The following KPNB1 variants were observed in gnomAD, a reference collection of about 807,000 sequenced individuals.
The protein encoded by KPNB1 is karyopherin subunit beta 1.
KPNB1 carries 7 observed loss-of-function variants against 113.0 expected under a neutral mutation model. That is an observed-to-expected ratio of 0.06 (90% CI 0.04 to 0.12). The LOEUF (loss-of-function observed/expected upper bound fraction) is 0.12. KPNB1 is among the 10% of genes least tolerant of loss of function. The probability of loss-of-function intolerance (pLI) is 1.00; values close to 1 mark genes in which losing one functional copy is unlikely to be tolerated. For synonymous variants in KPNB1, 363 were observed against 378.6 expected (o/e 0.96, Z 0.48); for missense variants, 400 against 1,054.8 (o/e 0.38, Z 8.60).
chr17:47,675,385 G>GT lies in KPNB1; in HGVS notation c.1912+606dup, dbSNP rs1462077639. 4.1e-4 allele frequency among the ~76,000 whole-genome samples: 34 copies of GT among 82,106 alleles called. 1 individual carries two copies. Among genetic ancestry groups the GT allele is most frequent in the Non-Finnish European group, 6.4e-4 (28 of 43,986 alleles). 53.9% of individuals were successfully genotyped at this position (82,106 alleles called of 152,430 possible). A position where few individuals can be genotyped will look rare whatever the true frequency, so the allele number is the denominator to read the frequency against. On this transcript the variant is annotated intron_variant, in intron 15 of 21. Transcript: ENST00000290158. ...TGTTTTTTTTTTGTTTTTTTTTTTT[G>GT]TTTGTTTTTTTTTTGAGACTTGTTC...
intron 19 of KPNB1, among the ~76,000 whole-genome samples, chr17:47,679,685 TTC>T (rs1454128398): frequency 9.2e-5 from 14 of 152,168 alleles, no homozygotes; most frequent in East Asian, 7.7e-4. Context: ...GCATCAGACC[TTC>T]TCTCTCTTTT....
Position 47,678,376 on chromosome 17 carries a change from C to T in KPNB1, c.2316C>T (p.Ile772=). ...RESCLEAYTG[I]VQGLKGDQEN... is the part of the protein sequence containing the mutation. ...GCTGCTTGGAAGCCTATACTGGAAT[C>T]GTCCAGGGATTAAAGGGGGATCAGG... Residue 772 remains isoleucine (I), a synonymous_variant, in exon 19 of 22, where the codon ATC becomes ATT. Transcript: ENST00000290158. The T allele has an allele frequency of 2.5e-6, 4 of 1,614,018 alleles. No homozygotes were observed. Among genetic ancestry groups the T allele is most frequent in the South Asian group, 1.1e-5 (1 of 91,074 alleles).
At position 47,673,040 on chromosome 17, in the gene KPNB1, C is replaced by G; in HGVS notation, c.1570C>G (p.Leu524Val). Residue 524 changes from leucine to valine, a missense_variant, in exon 13 of 22, where the codon CTG becomes GTG. Around this residue, in one of 2 missense-constraint regions of KPNB1, gnomAD observed 115 missense variants for 427.9 expected, o/e 0.27. Transcript: ENST00000290158. ...CAGACCTGATGGACACCAGAACAAC[C>G]TGAGGAGTTCTGCATATGAATCTCT... is the stretch of plus-strand genomic sequence containing the variant. Reference protein sequence around the residue: ...TDRPDGHQNNLRSSAYESLME... With the variant: ...TDRPDGHQNNVRSSAYESLME... 1 of 1,613,992 alleles carries G rather than the reference C, an allele frequency of 6.2e-7. No individual in the cohort carries two copies. The highest frequency in any genetic ancestry group is 8.5e-7 in the Non-Finnish European group (1 of 1,179,908).
chr17:47,661,232 A>T (rs2030084718), intron 6 of KPNB1, 54 bp downstream of exon 6: 1 of 1,292,292 alleles, frequency 7.7e-7, no homozygotes, highest in Non-Finnish European at 1.1e-6. Context: ...AGGAAATGTC[A>T]AATCTAATAT....
At chr17:47,677,209 C>T in intron 17 of KPNB1, 82 bp downstream of exon 17, 1 of 1,131,498 alleles carries the variant, frequency 8.8e-7, no homozygotes, top group East Asian at 2.4e-5. Flanking sequence ...ATCGACCAGG[C>T]TGGGCGCAGT....
chr17:47,651,151 C>T, intron 2 of KPNB1: 1 of 931,484 alleles, frequency 1.1e-6, no homozygotes, highest in Non-Finnish European at 1.3e-6. Flanking sequence ...GGCCTGTTTG[C>T]TGATGAAATC....
intron 19 of KPNB1, among the ~76,000 whole-genome samples, chr17:47,679,624 A>G (rs1462213750): frequency 3.3e-5 from 5 of 152,172 alleles, no homozygotes; most frequent in African/African-American, 1.2e-4. Context: ...TAGGGGTATA[A>G]TAGTTGGAAA....
At chr17:47,666,797 T>A (rs2030301579) in intron 9 of KPNB1, among the ~76,000 whole-genome samples, 1 of 151,634 alleles carries the variant, frequency 6.6e-6, no homozygotes, top group South Asian at 2.1e-4. Flanking sequence ...TTTTGTAGTT[T>A]TAGTAGAGAC....
intron 9 of KPNB1, among the ~76,000 whole-genome samples, chr17:47,667,410 A>G (rs1191902273): frequency 1.3e-5 from 2 of 151,670 alleles, no homozygotes; most frequent in East Asian, 3.9e-4. Context: ...TACAGGCATG[A>G]GCCACTGCAC....
At chr17:47,669,613 T>TG in intron 10 of KPNB1, 65 bp from the exon 11 acceptor site, 2 of 1,213,280 alleles carry the variant, frequency 1.6e-6, no homozygotes, top group Non-Finnish European at 1.2e-6. Flanking sequence ...TTTCTTTCTC[T>TG]GGGGTAGTAG....
intron 3 of KPNB1, among the ~76,000 whole-genome samples, chr17:47,655,183 GACT>G (rs1361035959): frequency 1.3e-5 from 2 of 152,192 alleles, no homozygotes; most frequent in East Asian, 3.8e-4. Flanking sequence ...CCTTTGAGTG[GACT>G]ACTGATTCTT....
intron 3 of KPNB1, among the ~76,000 whole-genome samples, chr17:47,655,942 A>C (rs181312692): frequency 2.0e-5 from 3 of 151,978 alleles, no homozygotes; most frequent in Non-Finnish European, 4.4e-5. Flanking sequence ...AGCCTTTCCT[A>C]CTTCTCCGTA....
At chr17:47,665,371 G>T (rs1461937603) in intron 9 of KPNB1, among the ~76,000 whole-genome samples, 1 of 152,166 alleles carries the variant, frequency 6.6e-6, no homozygotes, top group Non-Finnish European at 1.5e-5. Context: ...GATGCATCTT[G>T]CTCAGGAATG....
At chr17:47,663,732 C>T (rs2030179534) in intron 7 of KPNB1, among the ~76,000 whole-genome samples, 1 of 152,148 alleles carries the variant, frequency 6.6e-6, no homozygotes, top group Non-Finnish European at 1.5e-5. Context: ...CGCCTGTAAT[C>T]CCAGCAGTTT....
At chr17:47,681,697 T>TG (rs1374466499) in intron 21 of KPNB1, among the ~76,000 whole-genome samples, 4 of 145,518 alleles carry the variant, frequency 2.7e-5, no homozygotes, top group Non-Finnish European at 6.0e-5. Context: ...TTTTTTTTTT[T>TG]TTTTTTTTTT....
At chr17:47,657,137 C>T in intron 4 of KPNB1, 77 bp downstream of exon 4, 1 of 1,190,494 alleles carries the variant, frequency 8.4e-7, no homozygotes, top group Non-Finnish European at 1.2e-6. Flanking sequence ...ATTAGTACTA[C>T]CTTATTGAAT....
chr17:47,663,245 AT>A lies in KPNB1; in HGVS notation c.786+71del, dbSNP rs1036787854. 4 of 840,856 alleles carry A rather than the reference AT, an allele frequency of 4.8e-6. No individual in the cohort carries two copies. In the African/African-American group the frequency reaches 5.1e-5, roughly 11 times the overall value. 52.1% of individuals were successfully genotyped at this position (840,856 alleles called of 1,614,324 possible). A position where few individuals can be genotyped will look rare whatever the true frequency, so the allele number is the denominator to read the frequency against. On this transcript the variant is annotated intron_variant, in intron 7 of 21. Transcript: ENST00000290158. ...ACAGAGCCCATCATCCTTAGTCGCTATTTTGCCAATTCTGTAATATTTTACT... is the reference window on the plus strand; with the variant it reads ...ACAGAGCCCATCATCCTTAGTCGCTATTTGCCAATTCTGTAATATTTTACT...
intron 5 of KPNB1, among the ~76,000 whole-genome samples, chr17:47,660,217 C>T (rs2030053174): frequency 6.6e-6 from 1 of 152,100 alleles, no homozygotes; most frequent in East Asian, 1.9e-4. Context: ...TCATATTTGT[C>T]TTTTTGCGAC....
rs375495206 is a variant in KPNB1, at chr17:47,650,361, C to T, written c.41-25C>T. 45 of 1,611,250 alleles carry T rather than the reference C, an allele frequency of 2.8e-5. 1 individual carries two copies. The South Asian group carries it at 3.0e-4, about 11-fold the overall frequency. ...GAGGCCCGGCCCCTCTGACCCCGCT[C>T]CGTCTCCCACTTTCCTCCCCCTAGA... On this transcript the variant is annotated intron_variant, in intron 1 of 21. Coordinates refer to ENST00000290158, the MANE Select transcript of KPNB1 (RefSeq NM_002265.6).
Sources: allele counts gnomAD v4.1 joint callset (sites outside exome capture counted in the v4.1 genomes callset), GRCh38; gene constraint gnomAD v4.1.1; regional missense constraint gnomAD v4.1.1; transcripts MANE v1.5; gene names NCBI Gene and HGNC (gene_info 2026-07-23, HGNC 2026-07-21).